Variants in WDR72 observed in about 807,000 individuals in gnomAD.
WDR72 encodes WD repeat domain 72.
Under a neutral mutation model 124.2 loss-of-function variants are expected in WDR72, and 120 were observed. The ratio of observed to expected loss-of-function variants is 0.97; its 90% CI spans 0.83 to 1.12. WDR72 has a LOEUF of 1.12. WDR72 is among the 50% of genes most tolerant of loss of function. The probability of loss-of-function intolerance (pLI) is 0.00; values close to 1 mark genes in which losing one functional copy is unlikely to be tolerated. For synonymous variants in WDR72, 452 were observed against 441.7 expected (o/e 1.02, Z -0.29); for missense variants, 1,387 against 1,278.8 (o/e 1.08, Z -1.29).
chr15:53,675,959 T>C (rs1264435705), intron 13 of WDR72, among the ~76,000 whole-genome samples: 2 of 152,164 alleles, frequency 1.3e-5, no homozygotes, highest in African/African-American at 4.8e-5. Flanking sequence ...ATGATGGTGA[T>C]TTGCCTTAGG....
intron 3 of WDR72, among the ~76,000 whole-genome samples, chr15:53,721,565 T>C (rs1294939778): frequency 6.6e-6 from 1 of 152,200 alleles, no homozygotes; most frequent in Non-Finnish European, 1.5e-5. Flanking sequence ...TCCCTCTAAA[T>C]ATTACAATTA....
intron 18 of WDR72, among the ~76,000 whole-genome samples, chr15:53,594,303 A>C (rs943012531): frequency 8.2e-5 from 11 of 133,864 alleles, no homozygotes; most frequent in African/African-American, 2.5e-4. Context: ...AAACCAAGAA[A>C]GAAAAAAAGA....
chr15:53,705,852 C>A, intron 10 of WDR72, 75 bp downstream of exon 10: 1 of 1,582,854 alleles, frequency 6.3e-7, no homozygotes, highest in South Asian at 1.1e-5. Context: ...CCATGCTGCT[C>A]AACTTAGAAG....
At chr15:53,635,906 AG>A (rs766664746) in intron 14 of WDR72, among the ~76,000 whole-genome samples, 2 of 152,164 alleles carry the variant, frequency 1.3e-5, no homozygotes. Flanking sequence ...CACGGGTTAA[AG>A]GGACTTTAGT....
chr15:53,662,898 G>GT (rs998083899), intron 14 of WDR72, among the ~76,000 whole-genome samples: 73 of 151,902 alleles, frequency 4.8e-4, no homozygotes, highest in African/African-American at 1.7e-3. Context: ...GATCTTGCCT[G>GT]TAATAGAAAA....
At chr15:53,570,027 A>G (rs961315437) in intron 18 of WDR72, among the ~76,000 whole-genome samples, 1 of 152,054 alleles carries the variant, frequency 6.6e-6, no homozygotes, top group Non-Finnish European at 1.5e-5. Context: ...AACACTTGTT[A>G]TCCTTCATCT....
chr15:53,623,873 C>A lies in WDR72; in HGVS notation c.1963-7630G>T, dbSNP rs77378354. 7.9e-4 allele frequency among the ~76,000 whole-genome samples: 120 copies of A among 152,244 alleles called. 2 individuals are homozygous for A. The East Asian group carries it at 0.022, about 28-fold the overall frequency. On this transcript the variant is annotated intron_variant, in intron 14 of 19. Coordinates refer to ENST00000360509, the MANE Select transcript of WDR72 (RefSeq NM_182758.4). ...ATTGTTTTTTGATGTTTAATCATAG[C>A]CATCCTGACTGGCATGAGATGGTAA... is the stretch of plus-strand genomic sequence containing the variant.
chr15:53,623,693 C>CTT (rs2014095802), intron 14 of WDR72, among the ~76,000 whole-genome samples: 1 of 152,030 alleles, frequency 6.6e-6, no homozygotes, highest in Non-Finnish European at 1.5e-5. Context: ...AATGGTAGTT[C>CTT]TTTTTTAAAT....
At chr15:53,634,482 A>G (rs1220482021) in intron 14 of WDR72, among the ~76,000 whole-genome samples, 1 of 152,182 alleles carries the variant, frequency 6.6e-6, no homozygotes, top group African/African-American at 2.4e-5. Flanking sequence ...AACACTAATG[A>G]TAGTTGATTA....
chr15:53,598,793 T>C (rs1285866793), intron 17 of WDR72, among the ~76,000 whole-genome samples: 1 of 152,206 alleles, frequency 6.6e-6, no homozygotes, highest in Non-Finnish European at 1.5e-5. Flanking sequence ...TGCAAGTGAA[T>C]GGTGCTTACT....
chr15:53,583,714 C>T (rs2012051732), intron 18 of WDR72, among the ~76,000 whole-genome samples: 1 of 151,996 alleles, frequency 6.6e-6, no homozygotes, highest in South Asian at 2.1e-4. Context: ...AACACTGTTT[C>T]ACAGTGCAGG....
At chr15:53,691,977 G>A (rs1416502837) in intron 13 of WDR72, among the ~76,000 whole-genome samples, 1 of 152,070 alleles carries the variant, frequency 6.6e-6, no homozygotes, top group African/African-American at 2.4e-5. Flanking sequence ...TATGTGGCAG[G>A]TGCCATATCA....
rs192890488 is a variant in WDR72, at chr15:53,605,999, T to G, written c.2952+3514A>C. Among the ~76,000 whole-genome samples the G allele has an allele frequency of 2.6e-5, 4 of 152,276 alleles. No homozygotes were observed. The East Asian group carries it at 7.7e-4, about 29-fold the overall frequency. ...AAGTTTAAACTATCTCACAGAGTCA[T>G]GCATCAGGCCAGTAGCAGAGATGAG... On this transcript the variant is annotated intron_variant, in intron 17 of 19. Transcript: ENST00000360509.
intron 13 of WDR72, among the ~76,000 whole-genome samples, chr15:53,688,476 G>T (rs1466968806): frequency 4.0e-5 from 6 of 151,696 alleles, no homozygotes; most frequent in Non-Finnish European, 7.4e-5. Flanking sequence ...GCTTCAAAGA[G>T]AATAAAATAC....
chr15:53,607,651 A>G (rs1204244301), intron 17 of WDR72, among the ~76,000 whole-genome samples: 1 of 152,158 alleles, frequency 6.6e-6, no homozygotes, highest in East Asian at 1.9e-4. Flanking sequence ...GCAAAAATGG[A>G]CAAATGGAAT....
chr15:53,625,781 A>G (rs1318106578), intron 14 of WDR72, among the ~76,000 whole-genome samples: 7 of 147,158 alleles, frequency 4.8e-5, no homozygotes, highest in African/African-American at 1.8e-4. Flanking sequence ...AAAAACAGAA[A>G]GGACCAACTG....
At chr15:53,750,681 T>C (rs1282735487) in intron 1 of WDR72, among the ~76,000 whole-genome samples, 2 of 152,172 alleles carry the variant, frequency 1.3e-5, no homozygotes, top group Non-Finnish European at 2.9e-5. Context: ...TTGAGAACAT[T>C]TGTGATTCAT....
At chr15:53,553,796 T>C (rs756247854) in intron 18 of WDR72, among the ~76,000 whole-genome samples, 3 of 152,180 alleles carry the variant, frequency 2.0e-5, no homozygotes, top group South Asian at 2.1e-4. Context: ...ATTTGTGACA[T>C]AGTAATTAGT....
At chr15:53,753,084 C>G (rs1231266468) in intron 1 of WDR72, among the ~76,000 whole-genome samples, 1 of 152,138 alleles carries the variant, frequency 6.6e-6, no homozygotes, top group Admixed American at 6.5e-5. Context: ...TGGCTGTCAA[C>G]GGGTCATCCC....
Sources: allele counts gnomAD v4.1 joint callset (sites outside exome capture counted in the v4.1 genomes callset), GRCh38; gene constraint gnomAD v4.1.1; transcripts MANE v1.5; gene names NCBI Gene and HGNC (gene_info 2026-07-23, HGNC 2026-07-21).